The following FER variants were observed in gnomAD, a reference collection of about 807,000 sequenced individuals.
FER encodes tyrosine-protein kinase Fer.
Under a neutral mutation model 111.0 loss-of-function variants are expected in FER, and 63 were observed. That is an observed-to-expected ratio of 0.57 (90% CI 0.46 to 0.70). The LOEUF (loss-of-function observed/expected upper bound fraction) is 0.70, where lower values mean the gene tolerates loss of function less well. Among genes scored for constraint, FER ranks in the 30% least tolerant of loss-of-function variants. The pLI is 0.00. For synonymous variants in FER, 327 were observed against 313.9 expected (o/e 1.04, Z -0.44); for missense variants, 914 against 954.0 (o/e 0.96, Z 0.55).
intron 17 of FER, among the ~76,000 whole-genome samples, chr5:109,172,439 A>T (rs1463568177): frequency 1.5e-5 from 2 of 133,398 alleles, no homozygotes; most frequent in Non-Finnish European, 3.1e-5. Flanking sequence ...AACAATGAGA[A>T]CACATGGACA....
chr5:109,103,598 A>G (rs1046013791), intron 17 of FER, among the ~76,000 whole-genome samples: 1 of 152,172 alleles, frequency 6.6e-6, no homozygotes, highest in Non-Finnish European at 1.5e-5. Context: ...GGATTGCTGT[A>G]TAGTTGGAAT....
At chr5:109,119,560 T>C (rs1294376754) in intron 17 of FER, among the ~76,000 whole-genome samples, 2 of 152,166 alleles carry the variant, frequency 1.3e-5, no homozygotes, top group Non-Finnish European at 2.9e-5. Flanking sequence ...TTCCTGGATA[T>C]CCTTGTTAAC....
chr5:109,115,634 C>G (rs1463387160), intron 17 of FER, among the ~76,000 whole-genome samples: 1 of 151,178 alleles, frequency 6.6e-6, no homozygotes, highest in African/African-American at 2.4e-5. Context: ...AGTAAGTTTC[C>G]AGACAGATTT....
intron 19 of FER, among the ~76,000 whole-genome samples, chr5:109,186,662 T>A (rs1758905781): frequency 6.6e-6 from 1 of 152,198 alleles, no homozygotes; most frequent in South Asian, 2.1e-4. Flanking sequence ...TTAAATAATA[T>A]TCCCAATTGA....
At chr5:108,767,874 T>C (rs1752493081) in intron 1 of FER, among the ~76,000 whole-genome samples, 2 of 152,168 alleles carry the variant, frequency 1.3e-5, no homozygotes, top group African/African-American at 4.8e-5. Context: ...GAGGAGAAGG[T>C]AACAATACAT....
intron 16 of FER, among the ~76,000 whole-genome samples, chr5:109,063,156 CAA>C: frequency 6.6e-6 from 1 of 152,190 alleles, no homozygotes; most frequent in East Asian, 1.9e-4. Context: ...TTTCAATTGT[CAA>C]AATTCGTTTT....
Position 108,835,723 on chromosome 5 carries a change from T to A in FER, c.397T>A (p.Leu133Met). The change falls in exon 5 of 20, where the codon TTG becomes ATG. Residue 133 changes from leucine (L) to methionine (M), a missense_variant. Transcript: ENST00000281092. The part of the protein sequence containing the change: ...AEMIKVTKTE[L>M]EKLKCSYRQL... ...TCTTTGACAGGTTACCAAAACAGAA[T>A]TGGAGAAGTTAAAATGCAGCTATAG... 1 of 1,565,556 alleles carries A rather than the reference T, an allele frequency of 6.4e-7. No individual in the cohort carries two copies. The highest frequency in any genetic ancestry group is 8.6e-7 in the Non-Finnish European group (1 of 1,161,518).
intron 16 of FER, among the ~76,000 whole-genome samples, chr5:109,079,362 G>A (rs1469044759): frequency 6.6e-6 from 1 of 152,098 alleles, no homozygotes; most frequent in African/African-American, 2.4e-5. Context: ...CTTCCTCTCT[G>A]TTGGAAAGTG....
chr5:109,010,416 C>G (rs1581635743), intron 13 of FER, among the ~76,000 whole-genome samples: 1 of 152,138 alleles, frequency 6.6e-6, no homozygotes. Flanking sequence ...CTCGGCCTCT[C>G]AAAGCATTGG....
At position 108,841,480 on chromosome 5, in the gene FER, T is replaced by C. The variant is rs539620072; in HGVS notation, c.481+5673T>C. Among the ~76,000 whole-genome samples the C allele has an allele frequency of 3.9e-5, 6 of 152,314 alleles. No homozygotes were observed. In the East Asian group the frequency reaches 1.2e-3, roughly 29 times the overall value. ...GTATATATTAGGAAATAAATAATAC[T>C]CTGAGATTTATCTCTTAGGAGACAT... On this transcript the variant is annotated intron_variant, in intron 5 of 19. Coordinates refer to ENST00000281092, the MANE Select transcript of FER (RefSeq NM_005246.4).
chr5:109,024,794 G>T (rs1017368820), intron 13 of FER, among the ~76,000 whole-genome samples: 2 of 152,056 alleles, frequency 1.3e-5, no homozygotes, highest in South Asian at 4.2e-4. Context: ...ATTGATTTTT[G>T]TATAAGGTGT....
chr5:109,127,242 T>C (rs1334586551), intron 17 of FER, among the ~76,000 whole-genome samples: 1 of 152,292 alleles, frequency 6.6e-6, no homozygotes, highest in East Asian at 1.9e-4. Flanking sequence ...TTTAAAACTG[T>C]CCACCTTTGG....
chr5:108,967,481 G>A (rs554535316), intron 13 of FER, among the ~76,000 whole-genome samples: 9 of 152,184 alleles, frequency 5.9e-5, no homozygotes, highest in East Asian at 5.8e-4. Flanking sequence ...CAATTATGAC[G>A]CCAGGCACGG....
rs529868675 is a variant in FER at position 109,104,780 on chromosome 5, T to C, written c.2048+4261T>C. On this transcript the variant is annotated intron_variant, in intron 17 of 19. Transcript: ENST00000281092. ...TTTTTTGAAACGGAGTCTCACTCTG[T>C]CGCCCAGGCTGGAGTGCAGTGGCGC... 2.6e-5 allele frequency among the ~76,000 whole-genome samples: 4 copies of C among 152,268 alleles called. No homozygotes were observed. In the South Asian group the frequency reaches 6.2e-4, roughly 24 times the overall value.
At chr5:109,086,388 ATTTGTAAATTGTGTTTTCTCCCCTTTTTT>A (rs1221292947) in intron 16 of FER, among the ~76,000 whole-genome samples, 1 of 151,654 alleles carries the variant, frequency 6.6e-6, no homozygotes, top group Admixed American at 6.6e-5. Flanking sequence ...CAATTCTGAT[ATTTGTAAATTGTGTTTTCTCCCCTTTTTT>A]GGTGGGTTGT....
At chr5:109,105,584 G>T (rs1424411294) in intron 17 of FER, among the ~76,000 whole-genome samples, 2 of 152,182 alleles carry the variant, frequency 1.3e-5, no homozygotes, top group Non-Finnish European at 2.9e-5. Flanking sequence ...TGAAGGCACT[G>T]TAAGACCACT....
rs114831487 is a variant in FER, at chr5:109,064,626, C to T, written c.1924+17428C>T. On this transcript the variant is annotated intron_variant, in intron 16 of 19. Coordinates refer to ENST00000281092, the MANE Select transcript of FER (RefSeq NM_005246.4). ...TTATGTATGTCTGAGTAGTATTACT[C>T]GTAGGCTTTTTATGTTCTGAGCTTC... Among the ~76,000 whole-genome samples, 1,022 of 152,166 alleles carry T rather than the reference C, an allele frequency of 6.7e-3. 16 individuals are homozygous for T. The highest frequency in any genetic ancestry group is 0.024 in the African/African-American group (979 of 41,518).
intron 10 of FER, among the ~76,000 whole-genome samples, chr5:108,923,651 A>G (rs1753336803): frequency 6.6e-6 from 1 of 152,190 alleles, no homozygotes; most frequent in Non-Finnish European, 1.5e-5. Context: ...AGGTTATCAA[A>G]AGTGGAGCCT....
chr5:108,774,660 C>CT, intron 2 of FER, among the ~76,000 whole-genome samples: 1 of 151,664 alleles, frequency 6.6e-6, no homozygotes, highest in African/African-American at 2.4e-5. Flanking sequence ...ATCAGTGGAG[C>CT]TTTTTTTCAT....
Sources: allele counts gnomAD v4.1 joint callset (sites outside exome capture counted in the v4.1 genomes callset), GRCh38; gene constraint gnomAD v4.1.1; transcripts MANE v1.5; gene names NCBI Gene and HGNC (gene_info 2026-07-23, HGNC 2026-07-21).